C1orf105: variants seen among roughly 807,000 people sequenced by gnomAD.
C1orf105 encodes uncharacterized protein C1orf105.
C1orf105 carries 17 observed loss-of-function variants against 20.8 expected under a neutral mutation model. The observed-to-expected ratio is 0.82, with a 90% CI of 0.56 to 1.23. The LOEUF is 1.23. Ranked by LOEUF, C1orf105 falls within the 50% of genes most tolerant of loss-of-function variation. C1orf105 has a pLI of 0.00. For missense variants in C1orf105, 219 were observed against 213.5 expected (o/e 1.03, Z -0.16); for synonymous variants, 72 against 72.1 (o/e 1.00, Z 0.01).
At chr1:172,446,699 T>C (rs1247774427) in intron 2 of C1orf105, among the ~76,000 whole-genome samples, 1 of 152,192 alleles carries the variant, frequency 6.6e-6, no homozygotes, top group African/African-American at 2.4e-5. Flanking sequence ...CACAAGCCTT[T>C]GGCAGAGGGT....
At chr1:172,439,279 C>A (rs1388537092) in intron 1 of C1orf105, among the ~76,000 whole-genome samples, 2 of 152,148 alleles carry the variant, frequency 1.3e-5, no homozygotes, top group Non-Finnish European at 2.9e-5. Context: ...CCTTAACTTG[C>A]CACTGACTAC....
rs756248499 is a variant in C1orf105, at chr1:172,442,546, T to C, written c.22-2527T>C. The C allele has an allele frequency of 1.2e-6, 2 of 1,614,198 alleles. No individual in the cohort carries two copies. The highest frequency in any genetic ancestry group is 1.1e-5 in the South Asian group (1 of 91,080). On this transcript the variant is annotated intron_variant, in intron 1 of 6. Transcript: ENST00000367727. Reference sequence around the variant, plus strand: ...CAGGAATCGCCGGTCCACATAGTTATCAGGAAAGGGCTGTCGCTCATACAA... The same window carrying C: ...CAGGAATCGCCGGTCCACATAGTTACCAGGAAAGGGCTGTCGCTCATACAA...
intron 1 of C1orf105, among the ~76,000 whole-genome samples, chr1:172,426,473 C>A (rs1478929397): frequency 1.3e-5 from 2 of 152,098 alleles, no homozygotes; most frequent in Non-Finnish European, 2.9e-5. Flanking sequence ...TCCAGTGATA[C>A]TCCTGTTTTA....
At chr1:172,453,329 T>C (rs932891027) in intron 3 of C1orf105, 4 of 1,124,666 alleles carry the variant, frequency 3.6e-6, no homozygotes, top group Non-Finnish European at 4.9e-6. Context: ...AGAGTTTATA[T>C]GATTGACAAA....
chr1:172,428,810 C>T (rs2071788223), intron 1 of C1orf105: 1 of 698,848 alleles, frequency 1.4e-6, no homozygotes, highest in South Asian at 1.5e-5. Context: ...TCCAAGCACA[C>T]AGAACAGTAT....
In C1orf105 at chr1:172,464,206, G is replaced by A. The variant is rs142605232; in HGVS notation, c.342-1093G>A. On this transcript the variant is annotated intron_variant, in intron 5 of 6. Coordinates refer to ENST00000367727, the MANE Select transcript of C1orf105 (RefSeq NM_139240.4). Reference sequence around the variant, plus strand: ...TTTGTTGAATTGTAGAATAGACAGAGCTTAAACTATTCAGTCCTGAACATA... The same window carrying A: ...TTTGTTGAATTGTAGAATAGACAGAACTTAAACTATTCAGTCCTGAACATA... 2.4e-3 allele frequency among the ~76,000 whole-genome samples: 363 copies of A among 152,326 alleles called. 4 individuals are homozygous for A. Among genetic ancestry groups the A allele is most frequent in the South Asian group, 0.016 (77 of 4,828 alleles).
chr1:172,442,446 G>T, intron 1 of C1orf105: 1 of 1,614,142 alleles, frequency 6.2e-7, no homozygotes. Context: ...ACAGCTGCTG[G>T]ATCACCACAC....
chr1:172,456,687 G>A (rs971443082), intron 4 of C1orf105, among the ~76,000 whole-genome samples, 198 bp downstream of exon 4: 1 of 152,204 alleles, frequency 6.6e-6, no homozygotes, highest in Non-Finnish European at 1.5e-5. Context: ...GTTTCAACAA[G>A]CTAAAGGGTA....
chr1:172,437,209 A>G (rs1365005812), intron 1 of C1orf105, among the ~76,000 whole-genome samples: 1 of 152,216 alleles, frequency 6.6e-6, no homozygotes, highest in East Asian at 1.9e-4. Context: ...TAGAAATACC[A>G]TTTGACCCAG....
chr1:172,442,753 T>C, intron 1 of C1orf105: 1 of 788,886 alleles, frequency 1.3e-6, no homozygotes, highest in Non-Finnish European at 2.1e-6. Flanking sequence ...TCTACCAACC[T>C]TTCCTTGTTT....
At chr1:172,457,398 G>C (rs1236356104) in intron 4 of C1orf105, among the ~76,000 whole-genome samples, 5 of 152,140 alleles carry the variant, frequency 3.3e-5, no homozygotes, top group African/African-American at 7.2e-5. Context: ...TATAAGAAAA[G>C]CTCCTTCACT....
intron 3 of C1orf105, among the ~76,000 whole-genome samples, chr1:172,452,621 C>T (rs952112626): frequency 6.6e-6 from 1 of 152,224 alleles, no homozygotes; most frequent in African/African-American, 2.4e-5. Context: ...AAGGCCATGG[C>T]CTTGGGCCAT....
At chr1:172,456,639 G>T in intron 4 of C1orf105, 150 bp downstream of exon 4, 1 of 675,286 alleles carries the variant, frequency 1.5e-6, no homozygotes, top group Non-Finnish European at 2.5e-6. Flanking sequence ...TTGGTCCTGG[G>T]AGCAGCATCG....
chr1:172,461,115 TTC>T (rs1390778994), intron 4 of C1orf105, among the ~76,000 whole-genome samples: 2 of 152,176 alleles, frequency 1.3e-5, no homozygotes, highest in Admixed American at 1.3e-4. Flanking sequence ...TCTCCTCAGG[TTC>T]TTACTAAAGC....
intron 1 of C1orf105, among the ~76,000 whole-genome samples, chr1:172,425,675 G>A (rs1160170678): frequency 2.0e-5 from 3 of 152,118 alleles, no homozygotes; most frequent in Non-Finnish European, 2.9e-5. Flanking sequence ...CAATGACACT[G>A]CTTGCTATTA....
chr1:172,453,235 A>G (rs750158989), intron 3 of C1orf105: 2 of 1,536,870 alleles, frequency 1.3e-6, no homozygotes, highest in South Asian at 1.2e-5. Context: ...CTTTAAATGT[A>G]AAGTGTAAAG....
chr1:172,428,691 T>C, intron 1 of C1orf105: 2 of 592,636 alleles, frequency 3.4e-6, no homozygotes, highest in Non-Finnish European at 5.9e-6. Context: ...TTTTTTCTTT[T>C]TTCCATAGCA....
chr1:172,422,988 T>TAG (rs2071629543), intron 1 of C1orf105, among the ~76,000 whole-genome samples: 1 of 152,206 alleles, frequency 6.6e-6, no homozygotes, highest in Non-Finnish European at 1.5e-5. Flanking sequence ...GGTAGATTTC[T>TAG]AAAGTTTCCA....
chr1:172,461,104 C>T (rs538938916), intron 4 of C1orf105, among the ~76,000 whole-genome samples: 2 of 152,290 alleles, frequency 1.3e-5, no homozygotes, highest in East Asian at 3.9e-4. Flanking sequence ...GTTTAGAAAT[C>T]TCTCCTCAGG....
Sources: allele counts gnomAD v4.1 joint callset (sites outside exome capture counted in the v4.1 genomes callset), GRCh38; gene constraint gnomAD v4.1.1; transcripts MANE v1.5; gene names NCBI Gene and HGNC (gene_info 2026-07-23, HGNC 2026-07-21).